Variants in DIAPH2 observed in about 807,000 individuals in gnomAD.
DIAPH2 encodes the protein diaphanous related formin 2, also known as protein diaphanous homolog 2.
DIAPH2 carries 35 observed loss-of-function variants against 92.7 expected under a neutral mutation model. That is an observed-to-expected ratio of 0.38 (90% CI 0.29 to 0.50). The LOEUF is 0.50. Ranked by LOEUF, DIAPH2 falls within the 20% of genes least tolerant of loss-of-function variation. The pLI is 0.94. For missense variants in DIAPH2, 701 were observed against 819.5 expected (o/e 0.86, Z 1.77); for synonymous variants, 301 against 280.4 (o/e 1.07, Z -0.73).
chrX:97,082,694 T>C (rs1284379776), intron 19 of DIAPH2, among the ~76,000 whole-genome samples: 1 of 111,306 alleles, frequency 9.0e-6, no homozygotes, highest in Non-Finnish European at 1.9e-5. Context: ...GGCCTCTTTT[T>C]CCTTATATAA....
At chrX:97,238,383 C>T (rs1445932991) in intron 22 of DIAPH2, among the ~76,000 whole-genome samples, 1 of 111,766 alleles carries the variant, frequency 8.9e-6, no homozygotes, top group African/African-American at 3.2e-5. Context: ...ACTGGATTTC[C>T]TCTGCTATCA....
Position 96,685,145 on chromosome X carries a change from G to A in DIAPH2, c.87G>A (p.Gly29=). The A allele has an allele frequency of 2.0e-6, 2 of 1,016,281 alleles. No homozygotes were observed. The highest frequency in any genetic ancestry group is 7.4e-5 in the South Asian group (2 of 27,089). 83.8% of individuals were successfully genotyped at this position (1,016,281 alleles called of 1,213,427 possible). Residue 29 remains glycine, a synonymous_variant, in exon 1 of 27, where the codon GGG becomes GGA. Transcript: ENST00000324765. ...GGGRSNKRSA[G]NRAANEEETK... ...GCCGGAGCAACAAGCGGAGCGCGGG[G>A]AACCGGGCCGCCAATGAAGAGGAAA...
At chrX:97,414,653 CAA>C (rs56828730) in intron 25 of DIAPH2, among the ~76,000 whole-genome samples, 3 of 37,751 alleles carry the variant, frequency 7.9e-5, no homozygotes, top group Non-Finnish European at 5.3e-5. Context: ...GACTCTGTCT[CAA>C]AAAAAAAAAA....
chrX:97,489,011 T>C (rs2147820860), intron 26 of DIAPH2, among the ~76,000 whole-genome samples: 1 of 112,194 alleles, frequency 8.9e-6, no homozygotes, highest in South Asian at 3.7e-4. Flanking sequence ...AGGGATTGCA[T>C]TGAATCTATA....
At chrX:96,952,889 A>G (rs946330078) in intron 15 of DIAPH2, among the ~76,000 whole-genome samples, 1 of 110,465 alleles carries the variant, frequency 9.1e-6, no homozygotes, top group Non-Finnish European at 1.9e-5. Flanking sequence ...TTAGGAGACC[A>G]AGGTGGGAGG....
At chrX:97,239,386 CA>C (rs1218724413) in intron 22 of DIAPH2, among the ~76,000 whole-genome samples, 3 of 111,360 alleles carry the variant, frequency 2.7e-5, no homozygotes, top group African/African-American at 9.8e-5. Context: ...TCAACTGAAG[CA>C]AGTAGATAAA....
intron 23 of DIAPH2, among the ~76,000 whole-genome samples, chrX:97,334,000 G>T (rs1398546439): frequency 9.0e-6 from 1 of 111,241 alleles, no homozygotes; most frequent in African/African-American, 3.3e-5. Flanking sequence ...CCTAAAAACA[G>T]GTAAGGTCAT....
chrX:97,201,978 AC>A (rs2067754720), intron 22 of DIAPH2, among the ~76,000 whole-genome samples: 1 of 111,686 alleles, frequency 9.0e-6, no homozygotes, highest in Non-Finnish European at 1.9e-5. Flanking sequence ...CTCTACAGGA[AC>A]CCTACAAGCC....
At chrX:96,863,626 A>T (rs1307499136) in intron 4 of DIAPH2, among the ~76,000 whole-genome samples, 1 of 110,502 alleles carries the variant, frequency 9.0e-6, no homozygotes, top group African/African-American at 3.3e-5. Context: ...ACCTAATTGA[A>T]TTTTTTACCT....
At chrX:97,431,119 T>C (rs758639862) in intron 26 of DIAPH2, among the ~76,000 whole-genome samples, 6 of 112,310 alleles carry the variant, frequency 5.3e-5, no homozygotes, top group Non-Finnish European at 1.1e-4. Context: ...ACTACTCATC[T>C]ATAACTATGA....
intron 20 of DIAPH2, among the ~76,000 whole-genome samples, chrX:97,108,757 G>A (rs1257893694): frequency 1.8e-5 from 2 of 111,931 alleles, no homozygotes; most frequent in Admixed American, 9.5e-5. Flanking sequence ...AATAGTAGAT[G>A]TATATTATGA....
intron 23 of DIAPH2, among the ~76,000 whole-genome samples, chrX:97,298,610 C>CT (rs148604922): frequency 0.1 from 8,843 of 87,652 alleles, 1,082 homozygotes; most frequent in African/African-American, 0.3. Context: ...ACTCTTAGTC[C>CT]TTTTTTTTTT....
Position 96,735,972 on chromosome X carries a change from A to G in DIAPH2, c.165+182A>G, listed in dbSNP as rs944460552. On this transcript the variant is annotated intron_variant, in intron 2 of 26. Transcript: ENST00000324765. ...TTCGAATATTAACACAAACAATTAT[A>G]TGAGATCCCAACAGAATTTTCATAT... Among the ~76,000 whole-genome samples the G allele has an allele frequency of 4.5e-5, 5 of 112,301 alleles. No homozygotes were observed. The Admixed American group carries it at 4.7e-4, about 11-fold the overall frequency.
At chrX:97,186,494 T>C (rs2209550) in intron 22 of DIAPH2, among the ~76,000 whole-genome samples, 45,688 of 110,856 alleles carry the variant, frequency 0.41, 8,285 homozygotes, top group South Asian at 0.57. Flanking sequence ...ACTTTCCAGT[T>C]GATTTTCTCT....
chrX:96,882,959 CAAAAAAAAAAAA>C (rs1211958338), intron 5 of DIAPH2, among the ~76,000 whole-genome samples: 1 of 32,004 alleles, frequency 3.1e-5, no homozygotes, highest in Non-Finnish European at 5.5e-5. Context: ...ACCCTGTCTC[CAAAAAAAAAAAA>C]AAAAAAAAAA....
chrX:97,529,348 A>T, intron 26 of DIAPH2, among the ~76,000 whole-genome samples: 1 of 111,908 alleles, frequency 8.9e-6, no homozygotes, highest in East Asian at 2.8e-4. Flanking sequence ...GGAAGAATAG[A>T]GGAGGTAGAA....
chrX:97,588,995 A>AC (rs1247622122), intron 26 of DIAPH2, among the ~76,000 whole-genome samples: 1 of 57,270 alleles, frequency 1.7e-5, no homozygotes, highest in African/African-American at 6.6e-5. Flanking sequence ...GATATTATAG[A>AC]AATATATATA....
rs373292911 is a variant in DIAPH2 at position 96,772,504 on chromosome X, C to T, written c.447+14246C>T. On this transcript the variant is annotated intron_variant, in intron 4 of 26. Transcript: ENST00000324765. ...ATATTCATAACATTTAAAAATGATA[C>T]ATGATATTCATAACTTGTATTAATA... Among the ~76,000 whole-genome samples, 3 of 112,053 alleles carry T rather than the reference C, an allele frequency of 2.7e-5. No homozygotes were observed. In the South Asian group the frequency reaches 1.1e-3, roughly 42 times the overall value.
chrX:97,527,548 G>A (rs1054096943), intron 26 of DIAPH2, among the ~76,000 whole-genome samples: 1 of 112,201 alleles, frequency 8.9e-6, no homozygotes, highest in Non-Finnish European at 1.9e-5. Context: ...AATCCAGAAA[G>A]CATTTTCCTA....
Sources: gnomAD v4.1 joint callset for allele counts (sites outside exome capture counted in the v4.1 genomes callset) on GRCh38, gnomAD v4.1.1 for gene constraint, MANE v1.5 for transcripts, NCBI Gene and HGNC (gene_info 2026-07-23, HGNC 2026-07-21) for gene names.